TMEFF2: variants seen among roughly 807,000 people sequenced by gnomAD.
TMEFF2 encodes transmembrane protein with EGF like and two follistatin like domains 2.
TMEFF2 carries 28 observed loss-of-function variants against 53.8 expected under a neutral mutation model. The ratio of observed to expected loss-of-function variants is 0.52; its 90% CI spans 0.39 to 0.71. The LOEUF (loss-of-function observed/expected upper bound fraction) is 0.71, where lower values mean the gene tolerates loss of function less well. Ranked by LOEUF, TMEFF2 falls within the 30% of genes least tolerant of loss-of-function variation. The pLI is 0.00. For synonymous variants in TMEFF2, 162 were observed against 166.3 expected (o/e 0.97, Z 0.20); for missense variants, 353 against 455.2 (o/e 0.78, Z 2.04).
rs1691552004 is a variant in TMEFF2 at position 192,194,371 on chromosome 2, T to C, written c.154A>G (p.Thr52Ala). The C allele has an allele frequency of 6.2e-7, 1 of 1,613,954 alleles. No individual in the cohort carries two copies. Among genetic ancestry groups the C allele is most frequent in the African/African-American group, 1.3e-5 (1 of 74,886 alleles). ...PTSLSDCQTP[T>A]GWNCSGYDDR... Reference sequence around the variant, plus strand: ...GACTTACCAGAGCAATTCCAGCCGGTGGGCGTTTGGCAGTCACTTAAGGAG... The same window carrying C: ...GACTTACCAGAGCAATTCCAGCCGGCGGGCGTTTGGCAGTCACTTAAGGAG... The change falls in exon 1 of 10, where the codon ACC becomes GCC. Residue 52 changes from threonine (T) to alanine (A), a missense_variant. Physicochemically the swap from Thr to Ala is moderately conservative, Grantham distance 58. Around this residue, in one of 3 missense-constraint regions of TMEFF2, gnomAD observed 294 missense variants for 397.3 expected, o/e 0.74. Transcript: ENST00000272771. This position sits in a 1 kb window ranked among gnomAD's most constrained non-coding sequence, Gnocchi z 4.2.
chr2:192,085,919 T>C (rs1390435116), intron 4 of TMEFF2, among the ~76,000 whole-genome samples: 1 of 152,132 alleles, frequency 6.6e-6, no homozygotes, highest in African/African-American at 2.4e-5. Flanking sequence ...ACAGGATTCA[T>C]TTCCCAAAAG....
chr2:192,118,086 T>C (rs1246537896), intron 4 of TMEFF2, among the ~76,000 whole-genome samples: 1 of 151,988 alleles, frequency 6.6e-6, no homozygotes, highest in Non-Finnish European at 1.5e-5. Flanking sequence ...TGGAATAAAA[T>C]TAATCTACTT....
chr2:192,133,156 C>A (rs1689900248), intron 4 of TMEFF2, among the ~76,000 whole-genome samples: 1 of 152,126 alleles, frequency 6.6e-6, no homozygotes. Flanking sequence ...TTATCCCCAC[C>A]TGCCCAGTTC....
chr2:192,061,953 C>T (rs940045335), intron 4 of TMEFF2, among the ~76,000 whole-genome samples: 12 of 152,106 alleles, frequency 7.9e-5, no homozygotes, highest in African/African-American at 2.4e-4. Context: ...AAGCAGATGC[C>T]GGCACCATGC....
chr2:192,150,383 T>G (rs1352497279), intron 4 of TMEFF2, among the ~76,000 whole-genome samples: 2 of 151,890 alleles, frequency 1.3e-5, no homozygotes, highest in Admixed American at 6.6e-5. Flanking sequence ...TATCAAGCCT[T>G]GATCTACAAT....
intron 4 of TMEFF2, chr2:192,176,983 G>T: frequency 6.6e-6 from 1 of 150,772 alleles, no homozygotes; most frequent in East Asian, 1.9e-4. Context: ...ACTCCATTTT[G>T]GAATTATATT....
chr2:192,079,070 G>A (rs961824103), intron 4 of TMEFF2, among the ~76,000 whole-genome samples: 1 of 152,170 alleles, frequency 6.6e-6, no homozygotes, highest in Non-Finnish European at 1.5e-5. Flanking sequence ...AGTTGGCTGA[G>A]CACCTTCAAC....
At chr2:192,099,805 A>C (rs1688994275) in intron 4 of TMEFF2, among the ~76,000 whole-genome samples, 1 of 151,420 alleles carries the variant, frequency 6.6e-6, no homozygotes, top group African/African-American at 2.4e-5. Context: ...CCATCTTAGG[A>C]GTGATGGCAT....
At chr2:192,137,609 C>T (rs566864175) in intron 4 of TMEFF2, among the ~76,000 whole-genome samples, 106 of 152,104 alleles carry the variant, frequency 7.0e-4, no homozygotes, top group African/African-American at 2.5e-3. Flanking sequence ...TGGTTGGTAT[C>T]ATCTGGCAAG....
At chr2:191,955,174 GGAGAGAGA>G (rs1199101306) in intron 8 of TMEFF2, among the ~76,000 whole-genome samples, 57 of 2,046 alleles carry the variant, frequency 0.028, no homozygotes, top group African/African-American at 0.034. Context: ...GGAGAGAGAG[GGAGAGAGA>G]GAGAGAGAGA....
intron 7 of TMEFF2, among the ~76,000 whole-genome samples, chr2:191,966,133 A>G (rs970536272): frequency 6.6e-6 from 1 of 152,344 alleles, no homozygotes; most frequent in East Asian, 1.9e-4. Context: ...ATACAAAAGT[A>G]AAAGCAGTAG....
intron 5 of TMEFF2, among the ~76,000 whole-genome samples, chr2:192,046,786 T>G (rs1356768426): frequency 6.6e-6 from 1 of 152,218 alleles, no homozygotes; most frequent in Non-Finnish European, 1.5e-5. Flanking sequence ...GAAGACAATT[T>G]TAATTGAAAG....
intron 5 of TMEFF2, among the ~76,000 whole-genome samples, chr2:192,040,397 T>C (rs999737863): frequency 1.3e-5 from 2 of 152,184 alleles, no homozygotes; most frequent in African/African-American, 2.4e-5. Flanking sequence ...CCTTTTGTCA[T>C]AGCTGCTTCA....
At chr2:192,023,481 A>G (rs1301645942) in intron 5 of TMEFF2, among the ~76,000 whole-genome samples, 1 of 152,126 alleles carries the variant, frequency 6.6e-6, no homozygotes, top group Non-Finnish European at 1.5e-5. Context: ...TTTTTTCTCC[A>G]AAAGCAACAT....
intron 7 of TMEFF2, among the ~76,000 whole-genome samples, chr2:191,988,757 C>A (rs1686036192): frequency 6.6e-6 from 1 of 151,686 alleles, no homozygotes; most frequent in African/African-American, 2.4e-5. Context: ...ACACAGCTTT[C>A]AACCTCAGAA....
rs79331571 is a variant in TMEFF2, at chr2:191,987,002, A to G, written c.745+11260T>C. On this transcript the variant is annotated intron_variant, in intron 7 of 9. Coordinates refer to ENST00000272771, the MANE Select transcript of TMEFF2 (RefSeq NM_016192.4). Reference sequence around the variant, plus strand: ...GCAGGCCAACTCTGGACTCCACAATACCTCCTAACTTCTAGACCTCATCTA... The same window carrying G: ...GCAGGCCAACTCTGGACTCCACAATGCCTCCTAACTTCTAGACCTCATCTA... Among the ~76,000 whole-genome samples, 1,097 of 152,074 alleles carry G rather than the reference A, an allele frequency of 7.2e-3. 21 individuals are homozygous for G. Among genetic ancestry groups the G allele is most frequent in the African/African-American group, 0.025 (1,022 of 41,468 alleles).
chr2:192,090,411 G>C (rs1376583315), intron 4 of TMEFF2, among the ~76,000 whole-genome samples: 1 of 152,088 alleles, frequency 6.6e-6, no homozygotes, highest in Non-Finnish European at 1.5e-5. Flanking sequence ...TTGGCATCAT[G>C]ACATGTCTTT....
intron 4 of TMEFF2, among the ~76,000 whole-genome samples, chr2:192,144,529 T>C (rs1349814460): frequency 1.3e-5 from 2 of 152,216 alleles, no homozygotes; most frequent in South Asian, 2.1e-4. Flanking sequence ...ATATTTTTAC[T>C]GAATTGTCTA....
chr2:192,190,225 G>A (rs550882411), intron 2 of TMEFF2, among the ~76,000 whole-genome samples: 157 of 150,206 alleles, frequency 1.0e-3, no homozygotes, highest in Non-Finnish European at 2.0e-3. Context: ...TTTTTCTCCT[G>A]GTGAAATCTT....
Sources: allele counts gnomAD v4.1 joint callset (sites outside exome capture counted in the v4.1 genomes callset), GRCh38; gene constraint gnomAD v4.1.1; regional missense constraint gnomAD v4.1.1; non-coding constraint Gnocchi (gnomAD v3.1); transcripts MANE v1.5; gene names NCBI Gene and HGNC (gene_info 2026-07-23, HGNC 2026-07-21).